Variants in ZNF804B observed in about 807,000 individuals in gnomAD.
The protein encoded by ZNF804B is zinc finger protein 804B.
A neutral mutation model predicts 101.4 loss-of-function variants in ZNF804B; 80 were observed. That is an observed-to-expected ratio of 0.79 (90% confidence interval 0.66 to 0.95). ZNF804B has a LOEUF of 0.95. Among genes scored for constraint, ZNF804B ranks in the 40% least tolerant of loss-of-function variants. ZNF804B has a pLI of 0.00. For missense variants in ZNF804B, 1,673 were observed against 1,561.9 expected (o/e 1.07, Z -1.20); for synonymous variants, 622 against 558.8 (o/e 1.11, Z -1.59).
chr7:88,967,602 G>A (rs1793474638), intron 1 of ZNF804B, among the ~76,000 whole-genome samples: 1 of 128,928 alleles, frequency 7.8e-6, no homozygotes, highest in African/African-American at 2.7e-5. Context: ...ATTACTAATA[G>A]AACAATAGTA....
intron 1 of ZNF804B, among the ~76,000 whole-genome samples, chr7:89,141,635 C>T (rs1343501517): frequency 1.3e-5 from 2 of 151,910 alleles, no homozygotes; most frequent in Non-Finnish European, 2.9e-5. Flanking sequence ...GAGGAATCAC[C>T]ATATTGTCTT....
intron 2 of ZNF804B, among the ~76,000 whole-genome samples, chr7:89,286,403 GA>G (rs1790196619): frequency 6.6e-6 from 1 of 152,180 alleles, no homozygotes. Flanking sequence ...CATTGTTATA[GA>G]AAAAGCTGTG....
intron 3 of ZNF804B, among the ~76,000 whole-genome samples, chr7:89,332,451 C>CAAGAAA (rs887070807): frequency 8.6e-6 from 1 of 116,658 alleles, no homozygotes; most frequent in Non-Finnish European, 1.6e-5. Context: ...GTATATGGAA[C>CAAGAAA]AAGAAAAAGA....
intron 1 of ZNF804B, among the ~76,000 whole-genome samples, chr7:88,954,693 G>C (rs575386290): frequency 2.0e-5 from 3 of 151,784 alleles, no homozygotes; most frequent in Admixed American, 1.3e-4. Flanking sequence ...GGGGTCACCT[G>C]TTAAGGTATC....
intron 1 of ZNF804B, among the ~76,000 whole-genome samples, chr7:89,072,032 G>A (rs190009087): frequency 6.6e-6 from 1 of 152,250 alleles, no homozygotes; most frequent in Non-Finnish European, 1.5e-5. Flanking sequence ...TAGTCTGATA[G>A]AGGCCATTCT....
At position 89,043,196 on chromosome 7, in the gene ZNF804B, T is replaced by C. The variant is rs144486848; in HGVS notation, c.109-174959T>C. Among the ~76,000 whole-genome samples the C allele has an allele frequency of 5.3e-5, 8 of 152,298 alleles. No homozygotes were observed. In the East Asian group the frequency reaches 1.2e-3, roughly 22 times the overall value. ...ACATTTCCACTGATTAATGCCGGTG[T>C]CCTTTGAGGCATACTAATAGGATAA... On this transcript the variant is annotated intron_variant, in intron 1 of 3. Coordinates refer to ENST00000333190, the MANE Select transcript of ZNF804B (RefSeq NM_181646.5).
At chr7:89,024,750 G>C (rs1471119030) in intron 1 of ZNF804B, among the ~76,000 whole-genome samples, 1 of 150,648 alleles carries the variant, frequency 6.6e-6, no homozygotes, top group South Asian at 2.1e-4. Context: ...ACATTCCATG[G>C]ACCTGTGTAG....
intron 1 of ZNF804B, among the ~76,000 whole-genome samples, chr7:89,216,957 A>G (rs1234308319): frequency 6.6e-6 from 1 of 152,248 alleles, no homozygotes; most frequent in Non-Finnish European, 1.5e-5. Context: ...TTGGGATAAT[A>G]GAGCAGAAGT....
intron 1 of ZNF804B, among the ~76,000 whole-genome samples, chr7:88,922,261 A>C (rs1233960619): frequency 6.6e-6 from 1 of 152,108 alleles, no homozygotes; most frequent in African/African-American, 2.4e-5. Context: ...AAAAGTTATC[A>C]GCAGTTTTGC....
chr7:89,220,003 G>GCA lies in ZNF804B; in HGVS notation c.249+1711_249+1712dup, dbSNP rs1491498877. On this transcript the variant is annotated intron_variant, in intron 2 of 3. Transcript: ENST00000333190. ...TACATATGTGTGCATATATGTATAT[G>GCA]CACATATATGTGTGTATACATATAT... Among the ~76,000 whole-genome samples the GCA allele has an allele frequency of 2.9e-3, 66 of 23,008 alleles. 25 individuals carry two copies. The highest frequency in any genetic ancestry group is 0.011 in the African/African-American group (51 of 4,502). The allele number at this position is 23,008 out of a possible 152,430, so 15.1% of individuals were successfully genotyped here.
intron 1 of ZNF804B, among the ~76,000 whole-genome samples, chr7:88,943,999 A>G (rs1793092095): frequency 6.6e-6 from 1 of 151,838 alleles, no homozygotes; most frequent in African/African-American, 2.4e-5. Flanking sequence ...ATCCATTTAC[A>G]GTTTGTTAGA....
In ZNF804B at chr7:89,333,985, G is replaced by T. The variant is rs142989053; in HGVS notation, c.1003G>T (p.Asp335Tyr). 4.3e-4 allele frequency: 691 copies of T among 1,613,434 alleles called. No individual in the cohort carries two copies. Among genetic ancestry groups the T allele is most frequent in the Non-Finnish European group, 5.1e-4 (602 of 1,179,738 alleles). ...SKSNIHLSDVDFTPTSREKET... is the reference protein window; with the variant it reads ...SKSNIHLSDVYFTPTSREKET... Reference sequence around the variant, plus strand: ...ATCTAACATTCATCTTTCAGATGTAGATTTTACTCCTACCAGCAGAGAAAA... The same window carrying T: ...ATCTAACATTCATCTTTCAGATGTATATTTTACTCCTACCAGCAGAGAAAA... The change falls in exon 4 of 4, where the codon GAT (aspartate) becomes TAT (tyrosine). Residue 335 changes from aspartate to tyrosine, a missense_variant. Asp to Tyr is a radical substitution (Grantham distance 160). Transcript: ENST00000333190.
intron 1 of ZNF804B, among the ~76,000 whole-genome samples, chr7:88,883,195 G>A (rs992523910): frequency 6.6e-6 from 1 of 152,082 alleles, no homozygotes; most frequent in Admixed American, 6.6e-5. Context: ...TAAGGAAATT[G>A]TTTAAAATGA....
At chr7:89,317,424 C>T (rs1478545653) in intron 2 of ZNF804B, among the ~76,000 whole-genome samples, 2 of 152,082 alleles carry the variant, frequency 1.3e-5, no homozygotes, top group Admixed American at 1.3e-4. Flanking sequence ...GCAGGGTGAG[C>T]CTGCACCCAA....
intron 1 of ZNF804B, among the ~76,000 whole-genome samples, chr7:88,865,048 G>C (rs1352854394): frequency 2.6e-5 from 4 of 151,860 alleles, no homozygotes; most frequent in African/African-American, 9.7e-5. Flanking sequence ...GACTAACATA[G>C]AGAAACCCCG....
At chr7:88,804,327 G>A (rs1790652914) in intron 1 of ZNF804B, among the ~76,000 whole-genome samples, 1 of 152,016 alleles carries the variant, frequency 6.6e-6, no homozygotes, top group African/African-American at 2.4e-5. Context: ...AGCATGCTGG[G>A]TTTCTTTTTG....
At chr7:89,168,682 C>CT (rs372503661) in intron 1 of ZNF804B, among the ~76,000 whole-genome samples, 24,142 of 114,218 alleles carry the variant, frequency 0.21, 3,130 homozygotes, top group Middle Eastern at 0.33. Flanking sequence ...GAGCTGAATA[C>CT]TTTTTTTTTT....
intron 1 of ZNF804B, among the ~76,000 whole-genome samples, chr7:89,024,661 GA>G (rs67321242): frequency 0.63 from 43,819 of 70,102 alleles, 12,692 homozygotes; most frequent in African/African-American, 0.75. Context: ...TATCATTCTT[GA>G]AAAAAAAAAA....
chr7:89,146,797 G>A (rs59089436), intron 1 of ZNF804B, among the ~76,000 whole-genome samples: 3,656 of 151,938 alleles, frequency 0.024, 163 homozygotes, highest in African/African-American at 0.083. Flanking sequence ...AGGCTGAGAC[G>A]GGGTAGATTG....
Sources: gnomAD v4.1 joint callset for allele counts (sites outside exome capture counted in the v4.1 genomes callset) on GRCh38, gnomAD v4.1.1 for gene constraint, MANE v1.5 for transcripts, NCBI Gene and HGNC (gene_info 2026-07-23, HGNC 2026-07-21) for gene names.